ZNF585A: variants seen among roughly 807,000 people sequenced by gnomAD.
The protein encoded by ZNF585A is zinc finger protein 585A.
Under a neutral mutation model 14.9 loss-of-function variants are expected in ZNF585A, and 9 were observed. The observed-to-expected ratio is 0.60, with a 90% confidence interval of 0.36 to 1.05. The LOEUF (loss-of-function observed/expected upper bound fraction) is 1.05. Ranked by LOEUF, ZNF585A falls within the 50% of genes least tolerant of loss-of-function variation. The pLI, the probability that ZNF585A is intolerant of heterozygous loss-of-function variation, is 0.01. For missense variants in ZNF585A, 726 were observed against 926.4 expected, an observed-to-expected ratio of 0.78 and a Z score of 2.81; for synonymous variants, 276 against 319.9, an observed-to-expected ratio of 0.86 and a Z score of 1.46.
chr19:37,164,063 T>G (rs1411367895), intron 2 of ZNF585A, among the ~76,000 whole-genome samples: 1 of 152,184 alleles, frequency 6.6e-6, no homozygotes. Flanking sequence ...GAAATGAGTT[T>G]CGGATGCCGT....
chr19:37,171,747 C>CA (rs1212464537), intron 1 of ZNF585A, among the ~76,000 whole-genome samples: 1 of 151,898 alleles, frequency 6.6e-6, no homozygotes, highest in Non-Finnish European at 1.5e-5. Context: ...CTAAAAAATA[C>CA]AAAAAATTAG....
chr19:37,161,709 C>T (rs895414623), intron 2 of ZNF585A, among the ~76,000 whole-genome samples: 2 of 152,120 alleles, frequency 1.3e-5, no homozygotes, highest in Non-Finnish European at 2.9e-5. Context: ...AAAACCTTTA[C>T]GATGATCCAC....
Position 37,170,001 on chromosome 19 carries a change from G to A in ZNF585A, c.-91C>T. 3 of 1,492,312 alleles carry A rather than the reference G, an allele frequency of 2.0e-6. No homozygotes were observed. Among genetic ancestry groups the A allele is most frequent in the Non-Finnish European group, 2.7e-6 (3 of 1,106,890 alleles). The allele number at this position is 1,492,312 out of a possible 1,614,324, so 92.4% of individuals were successfully genotyped here. On this transcript the variant is annotated 5_prime_UTR_variant, in exon 2 of 5. Coordinates refer to ENST00000292841, the MANE Select transcript of ZNF585A (RefSeq NM_001288800.2). ...AAGCAGAGCTGCTCTGAAGAGATGG[G>A]CTGGAGTCTAGAGGAAAATCTGGCC... is the stretch of plus-strand genomic sequence containing the variant.
intron 2 of ZNF585A, among the ~76,000 whole-genome samples, chr19:37,158,852 T>C (rs1971969898): frequency 2.6e-5 from 4 of 152,230 alleles, no homozygotes; most frequent in Non-Finnish European, 5.9e-5. Context: ...TTCATATCTC[T>C]CCGAGATACA....
At chr19:37,165,076 T>C (rs1394652058) in intron 2 of ZNF585A, among the ~76,000 whole-genome samples, 1 of 152,148 alleles carries the variant, frequency 6.6e-6, no homozygotes, top group Admixed American at 6.5e-5. Flanking sequence ...AATTCATCCT[T>C]TTCAGCTGGG....
At chr19:37,168,111 A>G (rs1972125857) in intron 2 of ZNF585A, among the ~76,000 whole-genome samples, 1 of 152,200 alleles carries the variant, frequency 6.6e-6, no homozygotes, top group Non-Finnish European at 1.5e-5. Context: ...AATGTTGATA[A>G]CTTTTATAAT....
At chr19:37,162,796 A>G (rs1267724758) in intron 2 of ZNF585A, among the ~76,000 whole-genome samples, 1 of 152,164 alleles carries the variant, frequency 6.6e-6, no homozygotes, top group African/African-American at 2.4e-5. Flanking sequence ...AGGGACACAA[A>G]GAAGGGAACA....
chr19:37,159,701 T>C (rs1971985347), intron 2 of ZNF585A, among the ~76,000 whole-genome samples: 1 of 152,180 alleles, frequency 6.6e-6, no homozygotes, highest in Non-Finnish European at 1.5e-5. Flanking sequence ...ATACAAAGTA[T>C]GTTCCACAAG....
Position 37,170,030 on chromosome 19 carries a change from G to A in ZNF585A, c.-120C>T, listed in dbSNP as rs1599757075. On this transcript the variant is annotated 5_prime_UTR_variant, in exon 2 of 5. Coordinates refer to ENST00000292841, the MANE Select transcript of ZNF585A (RefSeq NM_001288800.2). ...GAGTCTAGAGGAAAATCTGGCCCAG[G>A]GGCTCCCCAGAGACACCCAGAAACC... The A allele has an allele frequency of 6.5e-6, 8 of 1,239,104 alleles. No individual in the cohort carries two copies. The East Asian group carries it at 2.0e-4, about 32-fold the overall frequency. The allele number at this position is 1,239,104 out of a possible 1,614,324, so 76.8% of individuals were successfully genotyped here. A position where few individuals can be genotyped will look rare whatever the true frequency, so the allele number is the denominator to read the frequency against.
At chr19:37,154,804 A>G (rs1449456770) in intron 4 of ZNF585A, among the ~76,000 whole-genome samples, 3 of 151,520 alleles carry the variant, frequency 2.0e-5, no homozygotes, top group South Asian at 2.1e-4. Context: ...TAAAAAAAAA[A>G]AAAGAAAGAA....
At position 37,152,646 on chromosome 19, in the gene ZNF585A, G is replaced by A; in HGVS notation, c.1253C>T (p.Ala418Val). ...AATCAAGTGTGCCTTCTGAATGAAG[G>A]CCAGTCCACATTTCATGCATATATA... ...KSYICMKCGL[A>V]FIQKAHLIAH... Residue 418 changes from alanine to valine, a missense_variant, in exon 5 of 5, where the codon GCC (alanine) becomes GTC (valine). By Grantham distance (64) the Ala-to-Val change is moderately conservative. This residue lies in a region of ZNF585A where 483 missense variants were observed against 542.8 expected (regional missense o/e 0.89). Transcript: ENST00000292841. The A allele has an allele frequency of 6.2e-7, 1 of 1,613,992 alleles. No homozygotes were observed.
chr19:37,170,716 C>T (rs1255567372), intron 1 of ZNF585A, among the ~76,000 whole-genome samples: 2 of 152,204 alleles, frequency 1.3e-5, no homozygotes, highest in African/African-American at 4.8e-5. Context: ...CCTCCTGATC[C>T]GCTCGCCTCT....
In ZNF585A at chr19:37,145,835, AT is replaced by A. The variant is rs1971735579; in HGVS notation, c.*5753del. 6.6e-6 allele frequency: 1 copy of A among 152,200 alleles called. No individual in the cohort carries two copies. The highest frequency in any genetic ancestry group is 1.5e-5 in the Non-Finnish European group (1 of 68,044). The allele number at this position is 152,200 out of a possible 1,614,324, so 9.4% of individuals were successfully genotyped here. A position where few individuals can be genotyped will look rare whatever the true frequency, so the allele number is the denominator to read the frequency against. ...TGGCAGAAACTAGCAGAGACAGAGGATTTCTTAGCATCAGAATTGATATGTT... is the reference window on the plus strand; with the variant it reads ...TGGCAGAAACTAGCAGAGACAGAGGATTCTTAGCATCAGAATTGATATGTT... On this transcript the variant is annotated 3_prime_UTR_variant, in exon 5 of 5. Coordinates refer to ENST00000292841, the MANE Select transcript of ZNF585A (RefSeq NM_001288800.2).
In ZNF585A at chr19:37,170,303, A is replaced by G. The variant is rs146540131; in HGVS notation, c.-144-249T>C. Among the ~76,000 whole-genome samples the G allele has an allele frequency of 3.4e-3, 511 of 152,348 alleles. 5 individuals carry two copies. Among genetic ancestry groups the G allele is most frequent in the African/African-American group, 0.012 (491 of 41,582 alleles). On this transcript the variant is annotated intron_variant, in intron 1 of 4. Transcript: ENST00000292841. ...TTCGTTTCTAACTGGTGCCCAGGAA[A>G]CGCTGATGCTGTCAGTACAGGGACC...
intron 2 of ZNF585A, among the ~76,000 whole-genome samples, chr19:37,157,758 G>A (rs1971953063): frequency 6.6e-6 from 1 of 152,082 alleles, no homozygotes; most frequent in African/African-American, 2.4e-5. Context: ...AGCAGTATAG[G>A]AAAAACAGTT....
At chr19:37,165,843 C>T (rs1972083872) in intron 2 of ZNF585A, 2 of 160,416 alleles carry the variant, frequency 1.2e-5, no homozygotes, top group Admixed American at 6.5e-5. Flanking sequence ...GCTGAATCAA[C>T]ATTTTAATTT....
At position 37,150,896 on chromosome 19, in the gene ZNF585A, A is replaced by T. The variant is rs906950943; in HGVS notation, c.*693T>A. On this transcript the variant is annotated 3_prime_UTR_variant, in exon 5 of 5. Coordinates refer to ENST00000292841, the MANE Select transcript of ZNF585A (RefSeq NM_001288800.2). ...GACACGGTGCTGGGGGTCAAAACACAAAGTGCTGAGGGCCCGTGAGGCTGA... is the reference window on the plus strand; with the variant it reads ...GACACGGTGCTGGGGGTCAAAACACTAAGTGCTGAGGGCCCGTGAGGCTGA... 15 of 155,428 alleles carry T rather than the reference A, an allele frequency of 9.7e-5. No individual in the cohort carries two copies. Among genetic ancestry groups the T allele is most frequent in the Non-Finnish European group, 2.2e-4 (15 of 68,524 alleles). The allele number at this position is 155,428 out of a possible 1,614,324, so 9.6% of individuals were successfully genotyped here. A position where few individuals can be genotyped will look rare whatever the true frequency, so the allele number is the denominator to read the frequency against.
chr19:37,168,321 T>G (rs550721528), intron 2 of ZNF585A, among the ~76,000 whole-genome samples: 2 of 152,202 alleles, frequency 1.3e-5, no homozygotes, highest in Admixed American at 1.3e-4. Context: ...ACCTCAGTTT[T>G]GCTAGAAGCT....
chr19:37,146,877 T>A lies in ZNF585A; in HGVS notation c.*4712A>T, dbSNP rs561072390. ...GACATGGAGTTAGAGCTGGGTGTGCTGGACCATGGTGGGAGGAGGCATTAA... is the reference window on the plus strand; with the variant it reads ...GACATGGAGTTAGAGCTGGGTGTGCAGGACCATGGTGGGAGGAGGCATTAA... On this transcript the variant is annotated 3_prime_UTR_variant, in exon 5 of 5. Transcript: ENST00000292841. The A allele has an allele frequency of 6.5e-6, 1 of 152,794 alleles. No individual in the cohort carries two copies. Among genetic ancestry groups the A allele is most frequent in the South Asian group, 2.1e-4 (1 of 4,836 alleles). 9.5% of individuals were successfully genotyped at this position (152,794 alleles called of 1,614,324 possible).
Sources: allele counts gnomAD v4.1 joint callset (sites outside exome capture counted in the v4.1 genomes callset), GRCh38; gene constraint gnomAD v4.1.1; regional missense constraint gnomAD v4.1.1; transcripts MANE v1.5; gene names NCBI Gene and HGNC (gene_info 2026-07-23, HGNC 2026-07-21).